COL13A1: variants seen among roughly 807,000 people sequenced by gnomAD.
The protein encoded by COL13A1 is collagen alpha-1(XIII) chain.
A neutral mutation model predicts 130.9 loss-of-function variants in COL13A1; 89 were observed. That is an observed-to-expected ratio of 0.68 (90% CI 0.57 to 0.81). COL13A1 has a LOEUF of 0.81. COL13A1 is among the 30% of genes least tolerant of loss of function. The pLI, the probability that COL13A1 is intolerant of heterozygous loss-of-function variation, is 0.00. For synonymous variants in COL13A1, 402 were observed against 341.6 expected (o/e 1.18, Z -1.95); for missense variants, 879 against 934.6 (o/e 0.94, Z 0.78).
At chr10:69,936,290 A>G (rs2066913100) in intron 32 of COL13A1, among the ~76,000 whole-genome samples, 1 of 152,092 alleles carries the variant, frequency 6.6e-6, no homozygotes, top group South Asian at 2.1e-4. Flanking sequence ...GCCCCCAAGC[A>G]CCCTGAAGCA....
intron 1 of COL13A1, among the ~76,000 whole-genome samples, chr10:69,804,503 G>C (rs1840918627): frequency 6.6e-6 from 1 of 152,046 alleles, no homozygotes; most frequent in Non-Finnish European, 1.5e-5. Context: ...TCAACTGCTA[G>C]ATATGAAAGT....
At chr10:69,937,944 C>T (rs1017951680) in intron 34 of COL13A1, among the ~76,000 whole-genome samples, 2 of 152,250 alleles carry the variant, frequency 1.3e-5, no homozygotes, top group South Asian at 2.1e-4. Flanking sequence ...AGACAGGCTC[C>T]CCCACCCCAA....
intron 15 of COL13A1, among the ~76,000 whole-genome samples, chr10:69,903,859 C>T (rs1365318556): frequency 2.6e-5 from 4 of 152,114 alleles, no homozygotes; most frequent in South Asian, 2.1e-4. Flanking sequence ...CCTGTGTGTA[C>T]GGCCACATTC....
At chr10:69,945,610 A>G (rs2068381551) in intron 36 of COL13A1, 61 bp from the exon 37 acceptor site, 1 of 1,579,726 alleles carries the variant, frequency 6.3e-7, no homozygotes, top group East Asian at 2.3e-5. Context: ...AAAGTAGAAA[A>G]TGGCAAGGAA....
At chr10:69,847,078 T>C (rs1341909578) in intron 2 of COL13A1, among the ~76,000 whole-genome samples, 1 of 152,232 alleles carries the variant, frequency 6.6e-6, no homozygotes, top group Admixed American at 6.5e-5. Context: ...GTGTCTCTCT[T>C]TAGCCTCTTC....
In COL13A1 at chr10:69,945,568, G is replaced by T. The variant is rs1483462653; in HGVS notation, c.1969-103G>T. ...CCCTTGCTTCCCGGAGGGCTCTTGA[G>T]GGGACTGGAGAGGTTTCCTGTATTT... On this transcript the variant is annotated intron_variant, in intron 36 of 40. Coordinates refer to ENST00000645393, the MANE Select transcript of COL13A1 (RefSeq NM_001368882.1). 4 of 1,494,046 alleles carry T rather than the reference G, an allele frequency of 2.7e-6. No homozygotes were observed. In the African/African-American group the frequency reaches 5.6e-5, roughly 21 times the overall value. 92.5% of individuals were successfully genotyped at this position (1,494,046 alleles called of 1,614,324 possible). A position where few individuals can be genotyped will look rare whatever the true frequency, so the allele number is the denominator to read the frequency against.
chr10:69,927,212 A>C lies in COL13A1; in HGVS notation c.1422+102A>C. On this transcript the variant is annotated intron_variant, in intron 27 of 40. Transcript: ENST00000645393. ...GATTTCTCCCCTCCAGAAAGCAGGT[A>C]CTGGGCTGCAGATTAGGGTTGACCC... 4 of 1,555,952 alleles carry C rather than the reference A, an allele frequency of 2.6e-6. No homozygotes were observed. The South Asian group carries it at 4.5e-5, about 17-fold the overall frequency.
At chr10:69,896,755 G>T (rs11812487) in intron 13 of COL13A1, among the ~76,000 whole-genome samples, 1 of 152,112 alleles carries the variant, frequency 6.6e-6, no homozygotes, top group Admixed American at 6.5e-5. Context: ...AGGCTACGGC[G>T]GTGCTGGGCC....
chr10:69,817,134 A>G (rs1455968278), intron 1 of COL13A1, among the ~76,000 whole-genome samples: 1 of 152,122 alleles, frequency 6.6e-6, no homozygotes, highest in Non-Finnish European at 1.5e-5. Flanking sequence ...AGAGTGGAGT[A>G]GGTGTGGCAG....
At chr10:69,903,495 G>A (rs886200816) in intron 15 of COL13A1, among the ~76,000 whole-genome samples, 8 of 151,926 alleles carry the variant, frequency 5.3e-5, no homozygotes, top group Admixed American at 2.0e-4. Flanking sequence ...TCAAGCCCTG[G>A]CTAAGACTCC....
Position 69,858,394 on chromosome 10 carries a change from C to T in COL13A1, c.365-9404C>T, listed in dbSNP as rs996482019. On this transcript the variant is annotated intron_variant, in intron 2 of 40. Coordinates refer to ENST00000645393, the MANE Select transcript of COL13A1 (RefSeq NM_001368882.1). ...CCCCCATTTTATAGAGGATACTGGG[C>T]TCAGAGAGGTTAAGCAGCTTGCCCA... Among the ~76,000 whole-genome samples the T allele has an allele frequency of 5.9e-4, 90 of 152,180 alleles. 1 individual carries two copies. Among genetic ancestry groups the T allele is most frequent in the East Asian group, 1.9e-4 (1 of 5,198 alleles).
chr10:69,958,609 G>A (rs2071265281), intron 40 of COL13A1, 90 bp from the exon 41 acceptor site: 1 of 1,604,288 alleles, frequency 6.2e-7, no homozygotes, highest in Non-Finnish European at 8.5e-7. Flanking sequence ...ATCCAACCCA[G>A]GACAAGATTT....
intron 40 of COL13A1, 137 bp downstream of exon 40, chr10:69,957,179 C>A: frequency 1.4e-6 from 1 of 717,016 alleles, no homozygotes; most frequent in Non-Finnish European, 2.5e-6. Flanking sequence ...GGCAGGGTGC[C>A]CATTAAACAT....
At chr10:69,840,710 T>G (rs1017620202) in intron 2 of COL13A1, among the ~76,000 whole-genome samples, 17 of 152,118 alleles carry the variant, frequency 1.1e-4, no homozygotes, top group African/African-American at 3.9e-4. Flanking sequence ...TGTCATGGGA[T>G]TCCTGAGGGA....
intron 1 of COL13A1, among the ~76,000 whole-genome samples, chr10:69,803,189 A>T (rs1840544594): frequency 6.6e-6 from 1 of 152,138 alleles, no homozygotes; most frequent in African/African-American, 2.4e-5. Flanking sequence ...GGGAGAGGGG[A>T]CAGTTCTTGC....
intron 1 of COL13A1, among the ~76,000 whole-genome samples, chr10:69,817,629 G>A (rs963139088): frequency 1.3e-5 from 2 of 152,080 alleles, no homozygotes; most frequent in African/African-American, 4.8e-5. Context: ...AGGAGGAGAC[G>A]TTGGATCTAG....
chr10:69,902,323 T>G (rs1429166582), intron 14 of COL13A1, among the ~76,000 whole-genome samples: 2 of 152,226 alleles, frequency 1.3e-5, no homozygotes, highest in Non-Finnish European at 2.9e-5. Flanking sequence ...ATTCTATGGC[T>G]GAGAGACTGG....
chr10:69,869,016 C>A (rs898276444), intron 3 of COL13A1, among the ~76,000 whole-genome samples: 6 of 152,120 alleles, frequency 3.9e-5, no homozygotes, highest in Non-Finnish European at 8.8e-5. Flanking sequence ...GGGCCTCCTG[C>A]ACACACCTCA....
intron 2 of COL13A1, among the ~76,000 whole-genome samples, chr10:69,825,661 T>G (rs1461093488): frequency 1.3e-5 from 2 of 152,212 alleles, no homozygotes; most frequent in East Asian, 1.9e-4. Flanking sequence ...CTCAAAGTGG[T>G]GCCTGCCCTC....
Sources: allele counts gnomAD v4.1 joint callset (sites outside exome capture counted in the v4.1 genomes callset), GRCh38; gene constraint gnomAD v4.1.1; transcripts MANE v1.5; gene names NCBI Gene and HGNC (gene_info 2026-07-23, HGNC 2026-07-21).